SEPTIN6: variants seen among roughly 807,000 people sequenced by gnomAD.
The protein encoded by SEPTIN6 is septin-6.
In SEPTIN6, 8 loss-of-function variants were observed where a neutral mutation model predicts 33.6. The observed-to-expected ratio is 0.24, with a 90% CI of 0.14 to 0.43. The LOEUF is 0.43. Among genes scored for constraint, SEPTIN6 ranks in the 20% least tolerant of loss-of-function variants. The pLI is 1.00. For synonymous variants in SEPTIN6, 131 were observed against 140.0 expected (o/e 0.94, Z 0.45); for missense variants, 250 against 340.8 (o/e 0.73, Z 2.10).
chrX:119,647,694 C>A (rs370091156), intron 5 of SEPTIN6, among the ~76,000 whole-genome samples: 3 of 108,974 alleles, frequency 2.8e-5, no homozygotes, highest in Non-Finnish European at 5.7e-5. Context: ...GCTCTGGTTG[C>A]CCAGGCTGGA....
intron 5 of SEPTIN6, among the ~76,000 whole-genome samples, chrX:119,643,411 A>C (rs1178440409): frequency 1.8e-5 from 2 of 109,893 alleles, no homozygotes; most frequent in African/African-American, 3.3e-5. Flanking sequence ...AAAAAAACCA[A>C]GAAGAAAACA....
At position 119,652,941 on chromosome X, in the gene SEPTIN6, T is replaced by C; in HGVS notation, c.441A>G (p.Arg147=). Residue 147 remains arginine (R), a synonymous_variant, in exon 4 of 11, where the codon CGA becomes CGG. Transcript: ENST00000394610. Reference sequence around the variant, plus strand: ...CAATGAAATACAAGCAGACATGGATTCGGGAGTCATGGTAGGTGTGTAGCA... The same window carrying C: ...CAATGAAATACAAGCAGACATGGATCCGGGAGTCATGGTAGGTGTGTAGCA... ...RRVLHTYHDS[R]IHVCLYFIAP... 8.3e-7 allele frequency: 1 copy of C among 1,209,208 alleles called. No homozygotes were observed. The highest frequency in any genetic ancestry group is 2.2e-5 in the Admixed American group (1 of 45,820).
At chrX:119,667,413 C>T (rs2054661047) in intron 2 of SEPTIN6, among the ~76,000 whole-genome samples, 1 of 111,328 alleles carries the variant, frequency 9.0e-6, no homozygotes, top group Non-Finnish European at 1.9e-5. Flanking sequence ...CACCCAAATG[C>T]CTGCTGGCAC....
intron 2 of SEPTIN6, among the ~76,000 whole-genome samples, chrX:119,665,103 C>CT (rs779678789): frequency 0.014 from 1,276 of 91,742 alleles, 26 homozygotes; most frequent in African/African-American, 0.047. Flanking sequence ...TCTTCTTCTT[C>CT]TTTTTTTTTT....
chrX:119,616,677 C>G, downstream of SEPTIN6: 3 of 1,186,471 alleles, frequency 2.5e-6, no homozygotes, highest in African/African-American at 5.2e-5. Flanking sequence ...GGAACCCTAA[C>G]TCTTCTATAA....
At chrX:119,651,943 G>T (rs893455301) in intron 4 of SEPTIN6, among the ~76,000 whole-genome samples, 6 of 112,037 alleles carry the variant, frequency 5.4e-5, no homozygotes, top group Non-Finnish European at 1.1e-4. Context: ...TTATTTTTTT[G>T]ATACGGAGTC....
At chrX:119,661,910 G>C (rs1026087092) in intron 3 of SEPTIN6, among the ~76,000 whole-genome samples, 7 of 111,992 alleles carry the variant, frequency 6.3e-5, no homozygotes, top group Admixed American at 5.7e-4. Context: ...CCTAATTTTT[G>C]TATTTTTAGT....
chrX:119,675,649 A>G lies in SEPTIN6; in HGVS notation c.50T>C (p.Val17Ala). ...AAACCCCACATGTCCAGCCAGGGGGACAGTTCGGCAACCTTCACCCTAATT... is the reference window on the plus strand; with the variant it reads ...AAACCCCACATGTCCAGCCAGGGGGGCAGTTCGGCAACCTTCACCCTAATT... ...ARQVGEGCRT[V>A]PLAGHVGFDS... The change falls in exon 2 of 11, where the codon GTC becomes GCC. Residue 17 changes from valine to alanine, a missense_variant. Physicochemically the swap from Val to Ala is moderately conservative, Grantham distance 64 (BLOSUM62 0). This residue lies in a region of SEPTIN6 where 111 missense variants were observed against 113.8 expected (regional missense o/e 0.98). Transcript: ENST00000394610. The G allele has an allele frequency of 8.8e-7, 1 of 1,134,109 alleles. No individual in the cohort carries two copies. Among genetic ancestry groups the G allele is most frequent in the Non-Finnish European group, 1.2e-6 (1 of 850,190 alleles). 93.5% of individuals were successfully genotyped at this position (1,134,109 alleles called of 1,213,427 possible). A position where few individuals can be genotyped will look rare whatever the true frequency, so the allele number is the denominator to read the frequency against.
intron 2 of SEPTIN6, among the ~76,000 whole-genome samples, chrX:119,673,841 C>CAAAAAAAAAAAAAAAAA (rs774954935): frequency 5.2e-5 from 2 of 38,185 alleles, no homozygotes; most frequent in Non-Finnish European, 9.2e-5. Flanking sequence ...GACTCTGTCT[C>CAAAAAAAAAAAAAAAAA]AAAAAAAAAA....
chrX:119,656,623 C>T (rs2054446754), intron 3 of SEPTIN6, among the ~76,000 whole-genome samples: 1 of 112,799 alleles, frequency 8.9e-6, no homozygotes, highest in South Asian at 3.6e-4. Flanking sequence ...CGCAGTGGCT[C>T]ACGCCTGTAA....
At chrX:119,678,672 G>A (rs1365337964) in intron 1 of SEPTIN6, among the ~76,000 whole-genome samples, 1 of 111,621 alleles carries the variant, frequency 9.0e-6, no homozygotes, top group Non-Finnish European at 1.9e-5. Flanking sequence ...CCCACTGCTA[G>A]TTCTTGGTCC....
chrX:119,637,157 C>T lies in SEPTIN6; in HGVS notation c.826G>A (p.Glu276Lys). The T allele has an allele frequency of 8.3e-7, 1 of 1,211,817 alleles. No individual in the cohort carries two copies. Among genetic ancestry groups the T allele is most frequent in the Non-Finnish European group, 1.1e-6 (1 of 895,390 alleles). The change falls in exon 7 of 11, where the codon GAG (glutamate) becomes AAG (lysine). Residue 276 changes from glutamate (E) to lysine (K), a missense_variant. By Grantham distance (56) the Glu-to-Lys change is moderately conservative. Coordinates refer to ENST00000394610, the MANE Select transcript of SEPTIN6 (RefSeq NM_145799.4). ...TCCATGTTGACCCGAATCAGCATCT[C>T]CCGCAGCTTCACAAAGTCGCAGTGG... is the stretch of plus-strand genomic sequence containing the variant. ...EAHCDFVKLR[E>K]MLIRVNMEDL...
intron 5 of SEPTIN6, among the ~76,000 whole-genome samples, chrX:119,641,748 C>T: frequency 8.9e-6 from 1 of 112,349 alleles, no homozygotes; most frequent in Non-Finnish European, 1.9e-5. Context: ...CCACAAGGAG[C>T]TAGCCAGCTT....
At chrX:119,672,235 G>A (rs1410620630) in intron 2 of SEPTIN6, among the ~76,000 whole-genome samples, 1 of 111,648 alleles carries the variant, frequency 9.0e-6, no homozygotes, top group Non-Finnish European at 1.9e-5. Context: ...TGTGACTCTT[G>A]AGGATGAGAG....
At chrX:119,687,065 C>T (rs1034968651) in intron 1 of SEPTIN6, among the ~76,000 whole-genome samples, 3 of 111,422 alleles carry the variant, frequency 2.7e-5, no homozygotes, top group African/African-American at 9.8e-5. Flanking sequence ...GACTAAGTAA[C>T]TTGGTCTCCC....
Position 119,618,878 on chromosome X carries a change from G to A in SEPTIN6, c.*1215C>T. ...ACACTGTCACTGGCCAAACACCAAA[G>A]GCCACTGTGCCTCATAACCCTGACA... On this transcript the variant is annotated 3_prime_UTR_variant, in exon 11 of 11. Transcript: ENST00000394610. 3.4e-6 allele frequency: 4 copies of A among 1,184,992 alleles called. No homozygotes were observed. The highest frequency in any genetic ancestry group is 4.5e-6 in the Non-Finnish European group (4 of 882,114).
intron 1 of SEPTIN6, among the ~76,000 whole-genome samples, chrX:119,683,140 C>A (rs1383505508): frequency 8.9e-6 from 1 of 112,372 alleles, no homozygotes; most frequent in Admixed American, 9.4e-5. Context: ...GTAGTCCCAG[C>A]CAGTTGGGAG....
intron 4 of SEPTIN6, 92 bp from the exon 5 acceptor site, chrX:119,650,190 C>A: frequency 1.1e-6 from 1 of 919,204 alleles, no homozygotes; most frequent in Middle Eastern, 3.0e-4. Flanking sequence ...CCAGAGGGAG[C>A]CGCTCAGCCC....
intron 1 of SEPTIN6, among the ~76,000 whole-genome samples, chrX:119,680,843 C>T (rs927864750): frequency 2.8e-5 from 3 of 108,259 alleles, no homozygotes; most frequent in Admixed American, 2.0e-4. Context: ...TGGCTGGGCG[C>T]GGTGGCAGAT....
Sources: allele counts gnomAD v4.1 joint callset (sites outside exome capture counted in the v4.1 genomes callset), GRCh38; gene constraint gnomAD v4.1.1; regional missense constraint gnomAD v4.1.1; transcripts MANE v1.5; gene names NCBI Gene and HGNC (gene_info 2026-07-23, HGNC 2026-07-21).